The following MYO9A variants were observed in gnomAD, a reference collection of about 807,000 sequenced individuals.
The protein encoded by MYO9A is unconventional myosin-IXa.
In MYO9A, 103 loss-of-function variants were observed where a neutral mutation model predicts 293.3. The ratio of observed to expected loss-of-function variants is 0.35; its 90% CI spans 0.30 to 0.41. MYO9A has a LOEUF of 0.41. MYO9A is among the 10% of genes least tolerant of loss of function. The pLI is 1.00. For missense variants in MYO9A, 2,685 were observed against 3,033.0 expected (o/e 0.89, Z 2.69); for synonymous variants, 1,001 against 1,035.7 (o/e 0.97, Z 0.64).
rs750426979 is a variant in MYO9A, at chr15:71,826,871, C to A, written c.7356G>T (p.Gln2452His). ...ASSHGTRKLFQIYSKSPFYRA... is the reference protein window; with the variant it reads ...ASSHGTRKLFHIYSKSPFYRA... The stretch of plus-strand genomic sequence containing the variant: ...GGTAGAATGGAGATTTGGAATAAAT[C>A]TGAAATAGTTTTCTGGTCCCATGAG... Residue 2452 changes from glutamine (Q) to histidine (H), a missense_variant, in exon 42 of 42, where the codon CAG becomes CAT. Gln to His is a conservative substitution (Grantham distance 24). Coordinates refer to ENST00000356056, the MANE Select transcript of MYO9A (RefSeq NM_006901.4). The A allele has an allele frequency of 6.2e-7, 1 of 1,614,118 alleles. No homozygotes were observed. The highest frequency in any genetic ancestry group is 1.1e-5 in the South Asian group (1 of 91,084).
chr15:71,957,686 G>T (rs2146891440), intron 14 of MYO9A, among the ~76,000 whole-genome samples: 1 of 152,196 alleles, frequency 6.6e-6, no homozygotes, highest in Non-Finnish European at 1.5e-5. Context: ...ATAGTCTATT[G>T]AGTGGGATGA....
intron 19 of MYO9A, among the ~76,000 whole-genome samples, chr15:71,909,058 G>T (rs931661550): frequency 6.6e-6 from 1 of 152,060 alleles, no homozygotes; most frequent in Non-Finnish European, 1.5e-5. Context: ...TGTATTTAAG[G>T]TTCCTGCAAG....
chr15:71,848,747 A>G, intron 39 of MYO9A, 98 bp downstream of exon 39: 1 of 1,369,672 alleles, frequency 7.3e-7, no homozygotes, highest in Non-Finnish European at 9.7e-7. Flanking sequence ...TTTTTTATAA[A>G]AAAGATTCTG....
intron 40 of MYO9A, among the ~76,000 whole-genome samples, chr15:71,828,551 CT>C (rs1252649896): frequency 6.6e-6 from 1 of 152,094 alleles, no homozygotes; most frequent in Non-Finnish European, 1.5e-5. Context: ...ACTGATTGAT[CT>C]TTTCTGTCCT....
At chr15:71,972,695 G>T (rs1188261372) in intron 12 of MYO9A, among the ~76,000 whole-genome samples, 1 of 151,918 alleles carries the variant, frequency 6.6e-6, no homozygotes, top group East Asian at 1.9e-4. Flanking sequence ...CAAATAACTG[G>T]TGTCAGAGAA....
chr15:72,024,024 T>C (rs1302345163), intron 4 of MYO9A, among the ~76,000 whole-genome samples: 1 of 151,982 alleles, frequency 6.6e-6, no homozygotes, highest in African/African-American at 2.4e-5. Context: ...AGATAACGTA[T>C]TCAAAACGTT....
chr15:71,994,336 G>T lies in MYO9A; in HGVS notation c.1587+133C>A, dbSNP rs373113932. 6 of 523,270 alleles carry T rather than the reference G, an allele frequency of 1.1e-5. No homozygotes were observed. In the East Asian group the frequency reaches 2.0e-4, roughly 17 times the overall value. The allele number at this position is 523,270 out of a possible 1,614,324, so 32.4% of individuals were successfully genotyped here. A position where few individuals can be genotyped will look rare whatever the true frequency, so the allele number is the denominator to read the frequency against. On this transcript the variant is annotated intron_variant, in intron 10 of 41. Coordinates refer to ENST00000356056, the MANE Select transcript of MYO9A (RefSeq NM_006901.4). ...ACACAGAACAATTCTTCTGAACAGG[G>T]TAATAAATAACAAATAAAAGCGATT... is the stretch of plus-strand genomic sequence containing the variant.
chr15:72,117,599 G>A (rs1410345964), intron 1 of MYO9A, 81 bp downstream of exon 1: 12 of 389,282 alleles, frequency 3.1e-5, no homozygotes, highest in South Asian at 1.4e-4. Flanking sequence ...GGGCGGGGCG[G>A]CCCGACCGGA....
chr15:72,112,297 T>C (rs1596609899), intron 1 of MYO9A, among the ~76,000 whole-genome samples: 1 of 152,326 alleles, frequency 6.6e-6, no homozygotes, highest in South Asian at 2.1e-4. Context: ...TTCCTCACTG[T>C]ACATGTAAAA....
chr15:72,041,201 T>A, intron 2 of MYO9A: 1 of 1,374,556 alleles, frequency 7.3e-7, no homozygotes, highest in South Asian at 1.2e-5. Context: ...ATTTGCAGGG[T>A]TTTATGGCTA....
chr15:72,022,625 G>A (rs2149244041), intron 4 of MYO9A, among the ~76,000 whole-genome samples: 1 of 152,156 alleles, frequency 6.6e-6, no homozygotes, highest in African/African-American at 2.4e-5. Context: ...ATGATTCACT[G>A]CAGCCTTGAC....
At chr15:71,941,951 AAT>A (rs879469124) in intron 15 of MYO9A, among the ~76,000 whole-genome samples, 7 of 152,104 alleles carry the variant, frequency 4.6e-5, no homozygotes, top group Non-Finnish European at 7.4e-5. Flanking sequence ...GAGGAATAAA[AAT>A]ATATGTCTGC....
intron 28 of MYO9A, among the ~76,000 whole-genome samples, chr15:71,882,470 G>A (rs1221926573): frequency 6.6e-6 from 1 of 152,126 alleles, no homozygotes; most frequent in African/African-American, 2.4e-5. Context: ...CGCCCAGAAA[G>A]TTAAAATAAG....
rs575974178 is a variant in MYO9A, at chr15:71,952,856, T to C, written c.2183-960A>G. On this transcript the variant is annotated intron_variant, in intron 14 of 41. Transcript: ENST00000356056. ...CAGAACAATCTTTGGAAAAATCTCA[T>C]AGCAGAATCATTTTAAAAGTTAAAC... Among the ~76,000 whole-genome samples the C allele has an allele frequency of 3.3e-5, 5 of 152,334 alleles. No homozygotes were observed. In the South Asian group the frequency reaches 1.0e-3, roughly 32 times the overall value.
intron 9 of MYO9A, among the ~76,000 whole-genome samples, chr15:71,995,272 A>G (rs1262899933): frequency 6.6e-6 from 1 of 152,214 alleles, no homozygotes; most frequent in Non-Finnish European, 1.5e-5. Flanking sequence ...GTTAGGAAAA[A>G]GCCATTAATT....
At chr15:71,906,090 A>G (rs2057629155) in intron 19 of MYO9A, among the ~76,000 whole-genome samples, 1 of 152,114 alleles carries the variant, frequency 6.6e-6, no homozygotes, top group Admixed American at 6.5e-5. Context: ...TTCCTCTAAA[A>G]TATGTATTAT....
Position 71,915,871 on chromosome 15 carries a change from T to A in MYO9A, c.2685+499A>T, listed in dbSNP as rs77769804. Among the ~76,000 whole-genome samples, 217 of 152,198 alleles carry A rather than the reference T, an allele frequency of 1.4e-3. 1 individual carries two copies. Among genetic ancestry groups the A allele is most frequent in the African/African-American group, 5.1e-3 (211 of 41,572 alleles). On this transcript the variant is annotated intron_variant, in intron 19 of 41. Coordinates refer to ENST00000356056, the MANE Select transcript of MYO9A (RefSeq NM_006901.4). ...CAATTTAAAAAGGAATTTGAAAAAA[T>A]TATTCTGGAAGAAATTTGGTTAACT...
intron 1 of MYO9A, among the ~76,000 whole-genome samples, chr15:72,072,382 C>T (rs775439679): frequency 2.0e-5 from 3 of 152,110 alleles, no homozygotes; most frequent in Admixed American, 6.5e-5. Flanking sequence ...CCACCCGCCT[C>T]GGCCTCCCAA....
In MYO9A at chr15:71,898,246, A is replaced by C; in HGVS notation, c.4257T>G (p.Thr1419=). The stretch of plus-strand genomic sequence containing the variant: ...GGTCTTGTTGGGGGATATAAAAAAA[A>C]GTAGGTAGACTATTTGAAATGAAGG... ...KDSFISNSLP[T]FFYIPQQDPL... Residue 1419 remains threonine (T), a synonymous_variant, in exon 25 of 42, where the codon ACT becomes ACG. Coordinates refer to ENST00000356056, the MANE Select transcript of MYO9A (RefSeq NM_006901.4). 1.9e-6 allele frequency: 3 copies of C among 1,614,150 alleles called. No individual in the cohort carries two copies. The highest frequency in any genetic ancestry group is 2.5e-6 in the Non-Finnish European group (3 of 1,180,042).
Sources: allele counts gnomAD v4.1 joint callset (sites outside exome capture counted in the v4.1 genomes callset), GRCh38; gene constraint gnomAD v4.1.1; transcripts MANE v1.5; gene names NCBI Gene and HGNC (gene_info 2026-07-23, HGNC 2026-07-21).